RNF220: variants seen among roughly 807,000 people sequenced by gnomAD.
RNF220 encodes the protein E3 ubiquitin-protein ligase RNF220.
A neutral mutation model predicts 67.1 loss-of-function variants in RNF220; 7 were observed. The ratio of observed to expected loss-of-function variants is 0.10; its 90% CI spans 0.06 to 0.20. RNF220 has a LOEUF of 0.20. RNF220 is among the 10% of genes least tolerant of loss of function. The pLI, the probability that RNF220 is intolerant of heterozygous loss-of-function variation, is 1.00. For synonymous variants in RNF220, 270 were observed against 283.2 expected (o/e 0.95, Z 0.47); for missense variants, 565 against 740.3 (o/e 0.76, Z 2.75).
chr1:44,480,637 C>T (rs1015311505), intron 2 of RNF220, among the ~76,000 whole-genome samples: 2 of 152,076 alleles, frequency 1.3e-5, no homozygotes, highest in African/African-American at 2.4e-5. Context: ...GGCAGTGGCT[C>T]ACGCCTGTAA....
intron 1 of RNF220, among the ~76,000 whole-genome samples, chr1:44,411,251 G>A (rs1647931041): frequency 6.6e-6 from 1 of 152,184 alleles, no homozygotes; most frequent in African/African-American, 2.4e-5. Context: ...GCATTTTATT[G>A]ATGAAGGTTT....
At chr1:44,470,189 ATTG>A (rs1034084031) in intron 2 of RNF220, among the ~76,000 whole-genome samples, 2 of 152,214 alleles carry the variant, frequency 1.3e-5, no homozygotes, top group African/African-American at 4.8e-5. Flanking sequence ...AGGAAGTAAA[ATTG>A]TTAAGACTTG....
intron 2 of RNF220, among the ~76,000 whole-genome samples, chr1:44,584,968 G>A (rs1665590759): frequency 6.6e-6 from 1 of 152,176 alleles, no homozygotes; most frequent in Admixed American, 6.5e-5. Flanking sequence ...CAAAGTGCTG[G>A]GATTACAGGC....
At chr1:44,640,690 G>A (rs918356813) in intron 8 of RNF220, among the ~76,000 whole-genome samples, 1 of 152,194 alleles carries the variant, frequency 6.6e-6, no homozygotes, top group African/African-American at 2.4e-5. Context: ...ACTGTTCAGC[G>A]AGGTGGCAGG....
intron 2 of RNF220, among the ~76,000 whole-genome samples, chr1:44,587,623 C>T (rs140854059): frequency 6.6e-6 from 1 of 152,148 alleles, no homozygotes; most frequent in African/African-American, 2.4e-5. Flanking sequence ...TGTAGTCTAG[C>T]TCTCTGGTGG....
At chr1:44,644,549 A>C in intron 8 of RNF220, 149 bp from the exon 9 acceptor site, 1 of 610,498 alleles carries the variant, frequency 1.6e-6, no homozygotes, top group Non-Finnish European at 2.9e-6. Context: ...GGTCAGGGGC[A>C]CTGAAGTATC....
At chr1:44,637,132 G>A (rs550708383) in intron 8 of RNF220, among the ~76,000 whole-genome samples, 3 of 152,240 alleles carry the variant, frequency 2.0e-5, no homozygotes, top group Non-Finnish European at 4.4e-5. Flanking sequence ...CAGCAGCTGG[G>A]AAGAAGTTCT....
chr1:44,582,512 G>A lies in RNF220; in HGVS notation c.626-31653G>A, dbSNP rs191879602. On this transcript the variant is annotated intron_variant, in intron 2 of 14. Coordinates refer to ENST00000361799, the MANE Select transcript of RNF220 (RefSeq NM_018150.4). The stretch of plus-strand genomic sequence containing the variant: ...TGGCTCACGCCTGTAATCCCAGCAC[G>A]TTGGGAGGCCGAGGCAGGTGGATCA... Among the ~76,000 whole-genome samples, 223 of 152,076 alleles carry A rather than the reference G, an allele frequency of 1.5e-3. 2 individuals carry two copies. The highest frequency in any genetic ancestry group is 0.01 in the Middle Eastern group (3 of 294).
chr1:44,502,833 G>A (rs371345339), intron 2 of RNF220, among the ~76,000 whole-genome samples: 5 of 151,966 alleles, frequency 3.3e-5, no homozygotes, highest in South Asian at 2.1e-4. Flanking sequence ...TGATGAGATC[G>A]TAACTCACTG....
chr1:44,563,564 T>C (rs915719894), intron 2 of RNF220, among the ~76,000 whole-genome samples: 20 of 152,190 alleles, frequency 1.3e-4, no homozygotes, highest in African/African-American at 4.8e-4. Flanking sequence ...GACACTAGTG[T>C]GTCCTGTAGT....
chr1:44,432,083 C>T (rs1298480404), intron 2 of RNF220, among the ~76,000 whole-genome samples: 3 of 152,186 alleles, frequency 2.0e-5, no homozygotes, highest in African/African-American at 7.2e-5. Flanking sequence ...CGACATTATA[C>T]TCCTATTGTT....
intron 2 of RNF220, among the ~76,000 whole-genome samples, chr1:44,604,502 G>A (rs1289403565): frequency 3.9e-5 from 6 of 152,244 alleles, no homozygotes; most frequent in South Asian, 2.1e-4. Context: ...CTGAAGCCCC[G>A]CCAGTCTCTG....
At chr1:44,617,660 G>A (rs1643617450) in intron 3 of RNF220, among the ~76,000 whole-genome samples, 1 of 152,218 alleles carries the variant, frequency 6.6e-6, no homozygotes, top group Admixed American at 6.5e-5. Context: ...ACACACTGGG[G>A]TTCCTGAGAC....
Position 44,649,880 on chromosome 1 carries a change from T to C in RNF220, c.1555-3T>C. The C allele has an allele frequency of 6.2e-7, 1 of 1,614,000 alleles. No homozygotes were observed. The highest frequency in any genetic ancestry group is 8.5e-7 in the Non-Finnish European group (1 of 1,179,940). ...GACCCCTTCTCTGCCCCCTCCTCCC[T>C]AGGACTCGTACTCGATGCCCCTAAC... On this transcript the variant is annotated splice_region_variant and splice_polypyrimidine_tract_variant and intron_variant, in intron 13 of 14. Transcript: ENST00000361799. The surrounding 1 kb of genome is among the most constrained non-coding windows in gnomAD (Gnocchi z 5.9).
intron 2 of RNF220, among the ~76,000 whole-genome samples, chr1:44,569,575 A>C (rs1002745459): frequency 6.6e-6 from 1 of 152,240 alleles, no homozygotes; most frequent in Non-Finnish European, 1.5e-5. Flanking sequence ...AGACAGAGGA[A>C]TCAGGGCCAT....
intron 6 of RNF220, 181 bp downstream of exon 6, chr1:44,632,566 A>G (rs1407006972): frequency 6.1e-6 from 4 of 659,772 alleles, no homozygotes; most frequent in Non-Finnish European, 1.1e-5. Flanking sequence ...CCGTCTGTCT[A>G]ATGGAGGTAT....
chr1:44,629,943 A>G (rs1369164863), intron 5 of RNF220, among the ~76,000 whole-genome samples: 5 of 152,222 alleles, frequency 3.3e-5, no homozygotes, highest in Non-Finnish European at 7.3e-5. Context: ...GAATGCAAGG[A>G]AAGTTAGTAG....
chr1:44,423,981 T>C, intron 2 of RNF220: 1 of 985,424 alleles, frequency 1.0e-6, no homozygotes, highest in Non-Finnish European at 1.2e-6. Context: ...CCATCCCCGC[T>C]GTGGTTTTCC....
At chr1:44,614,492 T>A (rs1643459233) in intron 3 of RNF220, among the ~76,000 whole-genome samples, 195 bp downstream of exon 3, 1 of 152,182 alleles carries the variant, frequency 6.6e-6, no homozygotes. Context: ...TCTTGCTCTA[T>A]TTTTGGAGAT....
Sources: gnomAD v4.1 joint callset for allele counts (sites outside exome capture counted in the v4.1 genomes callset) on GRCh38, gnomAD v4.1.1 for gene constraint, Gnocchi (gnomAD v3.1) non-coding constraint, MANE v1.5 for transcripts, NCBI Gene and HGNC (gene_info 2026-07-23, HGNC 2026-07-21) for gene names.